Variants in ZNF723 observed in about 807,000 individuals in gnomAD.
ZNF723 encodes the protein zinc finger protein 723.
A neutral mutation model predicts 9.4 loss-of-function variants in ZNF723; 5 were observed. The observed-to-expected ratio is 0.53, with a 90% CI of 0.28 to 1.12. The LOEUF is 1.12. Among genes scored for constraint, ZNF723 ranks in the 50% most tolerant of loss-of-function variants. ZNF723 has a pLI of 0.10. For synonymous variants in ZNF723, 158 were observed against 168.8 expected (o/e 0.94, Z 0.49); for missense variants, 450 against 501.5 (o/e 0.90, Z 0.98).
At chr19:22,836,657 T>C (rs1015182559) in intron 1 of ZNF723, among the ~76,000 whole-genome samples, 1 of 152,190 alleles carries the variant, frequency 6.6e-6, no homozygotes, top group Admixed American at 6.5e-5. Context: ...TCAGGAGCTG[T>C]GGGAAGAAGA....
intron 1 of ZNF723, among the ~76,000 whole-genome samples, chr19:22,842,460 T>C (rs1157270083): frequency 1.3e-5 from 2 of 152,174 alleles, no homozygotes; most frequent in South Asian, 2.1e-4. Context: ...GTAAATATAA[T>C]AAAAATTTCT....
chr19:22,832,936 C>G (rs561490294), intron 1 of ZNF723, among the ~76,000 whole-genome samples: 30 of 152,280 alleles, frequency 2.0e-4, no homozygotes, highest in Admixed American at 5.2e-4. Context: ...GGCACAGTTA[C>G]GTAGTTTCCT....
At chr19:22,837,185 T>G (rs1280108805) in intron 1 of ZNF723, among the ~76,000 whole-genome samples, 2 of 150,784 alleles carry the variant, frequency 1.3e-5, no homozygotes, top group African/African-American at 4.9e-5. Flanking sequence ...CCCAGCTACT[T>G]GGGAAGCTGA....
intron 1 of ZNF723, chr19:22,840,986 T>G (rs1967237266): frequency 6.6e-6 from 1 of 152,358 alleles, no homozygotes; most frequent in South Asian, 2.1e-4. Flanking sequence ...AGATGTGAGC[T>G]GCCAGCTATG....
intron 3 of ZNF723, among the ~76,000 whole-genome samples, chr19:22,851,302 G>A (rs570866871): frequency 6.6e-6 from 1 of 152,080 alleles, no homozygotes; most frequent in Non-Finnish European, 1.5e-5. Flanking sequence ...CTCTTGAGTA[G>A]CTGAGATTAC....
chr19:22,812,744 C>G, the ZNF723 span, among the ~76,000 whole-genome samples: 108 of 152,234 alleles, frequency 7.1e-4, 4 homozygotes, highest in South Asian at 0.02. Context: ...CTCATGAAAA[C>G]AGTTTAAAGG....
At chr19:22,822,688 C>T in the ZNF723 span, among the ~76,000 whole-genome samples, 1 of 152,230 alleles carries the variant, frequency 6.6e-6, no homozygotes, top group African/African-American at 2.4e-5. Context: ...TGGTGAAACG[C>T]TGTCACTACT....
At chr19:22,831,779 G>T (rs558218971), upstream of ZNF723, among the ~76,000 whole-genome samples, 3 of 150,844 alleles carry the variant, frequency 2.0e-5, no homozygotes, top group South Asian at 2.1e-4. Context: ...ATGGTGGCAG[G>T]CGCCTGTAAT....
the ZNF723 span, among the ~76,000 whole-genome samples, chr19:22,818,928 C>T: frequency 6.6e-6 from 1 of 152,144 alleles, no homozygotes; most frequent in African/African-American, 2.4e-5. Context: ...TGGGCTCTGC[C>T]TACAGAGGGA....
At chr19:22,836,062 A>ACT (rs3033457) in intron 1 of ZNF723, among the ~76,000 whole-genome samples, 33,983 of 152,052 alleles carry the variant, frequency 0.22, 4,741 homozygotes, top group African/African-American at 0.4. Flanking sequence ...TGAGTAAATA[A>ACT]CTGACATAAA....
At chr19:22,851,153 CTATT>C (rs145875284) in intron 3 of ZNF723, among the ~76,000 whole-genome samples, 14 of 151,026 alleles carry the variant, frequency 9.3e-5, no homozygotes, top group Non-Finnish European at 1.6e-4. Flanking sequence ...TAACAGAGAG[CTATT>C]TATTTATTTA....
Position 22,858,533 on chromosome 19 carries a change from C to T in ZNF723, c.*100C>T, listed in dbSNP as rs1192644897. 11 of 563,348 alleles carry T rather than the reference C, an allele frequency of 2.0e-5. No individual in the cohort carries two copies. Among genetic ancestry groups the T allele is most frequent in the South Asian group, 8.0e-5 (3 of 37,536 alleles). The allele number at this position is 563,348 out of a possible 1,614,324, so 34.9% of individuals were successfully genotyped here. On this transcript the variant is annotated 3_prime_UTR_variant, in exon 4 of 4. Coordinates refer to ENST00000600766, the MANE Select transcript of ZNF723 (RefSeq NM_001349726.2). ...CTGTAATCCCAGCACTTTGGGAGGCCGAGGCGGGCAGATCACCTGAGGTCA... is the reference window on the plus strand; with the variant it reads ...CTGTAATCCCAGCACTTTGGGAGGCTGAGGCGGGCAGATCACCTGAGGTCA...
intron 2 of ZNF723, among the ~76,000 whole-genome samples, chr19:22,848,940 A>G (rs1026886305): frequency 1.4e-4 from 21 of 151,952 alleles, no homozygotes; most frequent in African/African-American, 5.1e-4. Flanking sequence ...TTTTTAGTAG[A>G]GATGGGGTTT....
chr19:22,838,506 C>CT (rs1278215069), intron 1 of ZNF723, among the ~76,000 whole-genome samples: 1 of 151,752 alleles, frequency 6.6e-6, no homozygotes, highest in Non-Finnish European at 1.5e-5. Context: ...GAGCTGAGAT[C>CT]TAGCCATTGC....
Position 22,843,840 on chromosome 19 carries a change from GTATGCATTA to G in ZNF723, c.4-4417_4-4409del, listed in dbSNP as rs58581765. 8.1e-3 allele frequency among the ~76,000 whole-genome samples: 1,239 copies of G among 152,162 alleles called. 17 individuals are homozygous for G. Among genetic ancestry groups the G allele is most frequent in the African/African-American group, 0.029 (1,192 of 41,496 alleles). ...AGACATTTATTTAAATTGCTTATTA[GTATGCATTA>G]TATAATGGACAGGGCAGTGGCTAAA... On this transcript the variant is annotated intron_variant, in intron 1 of 3. Coordinates refer to ENST00000600766, the MANE Select transcript of ZNF723 (RefSeq NM_001349726.2).
rs73566461 is a variant in ZNF723 at position 22,847,032 on chromosome 19, C to T, written c.4-1229C>T. Among the ~76,000 whole-genome samples the T allele has an allele frequency of 8.8e-3, 1,265 of 144,102 alleles. 19 individuals are homozygous for T. Among genetic ancestry groups the T allele is most frequent in the African/African-American group, 0.031 (1,198 of 38,464 alleles). 94.5% of individuals were successfully genotyped at this position (144,102 alleles called of 152,430 possible). ...ATTCACTTGGATAAGCACTCTCTGA[C>T]AGATTTTTTTTTTTTTTTACTATAA... On this transcript the variant is annotated intron_variant, in intron 1 of 3. Coordinates refer to ENST00000600766, the MANE Select transcript of ZNF723 (RefSeq NM_001349726.2).
At position 22,840,181 on chromosome 19, in the gene ZNF723, C is replaced by CT. The variant is rs967792982; in HGVS notation, c.3+7808dup. Among the ~76,000 whole-genome samples, 18 of 150,588 alleles carry CT rather than the reference C, an allele frequency of 1.2e-4. No homozygotes were observed. The East Asian group carries it at 1.4e-3, about 11-fold the overall frequency. On this transcript the variant is annotated intron_variant, in intron 1 of 3. Coordinates refer to ENST00000600766, the MANE Select transcript of ZNF723 (RefSeq NM_001349726.2). ...AATTGTTTTTAATATTTTCTTTTTT[C>CT]TTTTTTTTTGAGACGGAGTTTCGCT...
rs534643172 is a variant in ZNF723, at chr19:22,834,581, G to A, written c.3+2199G>A. On this transcript the variant is annotated intron_variant, in intron 1 of 3. Coordinates refer to ENST00000600766, the MANE Select transcript of ZNF723 (RefSeq NM_001349726.2). ...TCTAGGTAATATCCGCTCCTGGGTC[G>A]TTTTCTGCCATAGGACAACCTGAGG... 9.2e-5 allele frequency among the ~76,000 whole-genome samples: 14 copies of A among 152,208 alleles called. No homozygotes were observed. In the East Asian group the frequency reaches 2.3e-3, roughly 25 times the overall value.
At chr19:22,816,519 T>G in the ZNF723 span, among the ~76,000 whole-genome samples, 1 of 152,202 alleles carries the variant, frequency 6.6e-6, no homozygotes, top group South Asian at 2.1e-4. Context: ...TGGCGCCTCT[T>G]ATACCTAAAA....
Sources: gnomAD v4.1 joint callset for allele counts (sites outside exome capture counted in the v4.1 genomes callset) on GRCh38, gnomAD v4.1.1 for gene constraint, MANE v1.5 for transcripts, NCBI Gene and HGNC (gene_info 2026-07-23, HGNC 2026-07-21) for gene names.